SPTBN5: variants seen among roughly 807,000 people sequenced by gnomAD.
The protein encoded by SPTBN5 is spectrin beta chain, non-erythrocytic 5.
A neutral mutation model predicts 477.6 loss-of-function variants in SPTBN5; 513 were observed. The observed-to-expected ratio is 1.07, with a 90% CI of 1.00 to 1.16. The LOEUF (loss-of-function observed/expected upper bound fraction) is 1.16. Ranked by LOEUF, SPTBN5 falls within the 50% of genes most tolerant of loss-of-function variation. SPTBN5 has a pLI of 0.00. For synonymous variants in SPTBN5, 2,169 were observed against 2,011.7 expected (o/e 1.08, Z -2.09); for missense variants, 5,062 against 4,731.8 (o/e 1.07, Z -2.05).
chr15:41,881,354 G>A, intron 12 of SPTBN5, 120 bp from the exon 13 acceptor site: 2 of 787,380 alleles, frequency 2.5e-6, no homozygotes, highest in East Asian at 5.3e-5. Flanking sequence ...CTCAAAGGGT[G>A]TGTGGGACAT....
intron 67 of SPTBN5, among the ~76,000 whole-genome samples, chr15:41,849,432 G>T (rs1406613513): frequency 1.3e-5 from 2 of 152,222 alleles, no homozygotes; most frequent in Non-Finnish European, 2.9e-5. Context: ...GAACAAGGGT[G>T]GGGCAGGGTC....
chr15:41,857,685 C>A lies in SPTBN5; in HGVS notation c.8252G>T (p.Gly2751Val). 2 of 1,580,222 alleles carry A rather than the reference C, an allele frequency of 1.3e-6. No homozygotes were observed. The highest frequency in any genetic ancestry group is 1.8e-5 in the Admixed American group (1 of 55,552). ...CTGGATGGCCTCCGAGGCTGGGTGGCCCCCCTGCAGCAGCCTCTGTCCCTC... is the reference window on the plus strand; with the variant it reads ...CTGGATGGCCTCCGAGGCTGGGTGGACCCCCTGCAGCAGCCTCTGTCCCTC... ...QREGQRLLQG[G>V]HPASEAIQER... is the part of the protein sequence containing the mutation. The change falls in exon 50 of 68, where the codon GGC becomes GTC. Residue 2751 changes from glycine (G) to valine (V), a missense_variant. Coordinates refer to ENST00000320955, the MANE Select transcript of SPTBN5 (RefSeq NM_016642.4).
chr15:41,885,603 G>A (rs1055606581), intron 7 of SPTBN5, 132 bp downstream of exon 7: 30 of 1,146,896 alleles, frequency 2.6e-5, no homozygotes, highest in Non-Finnish European at 3.1e-5. Context: ...ATAGATCTTT[G>A]TAGAGGGATC....
Position 41,880,418 on chromosome 15 carries a change from C to CCAGGGT in SPTBN5, c.2659-112_2659-107dup, listed in dbSNP as rs942658822. On this transcript the variant is annotated intron_variant, in intron 13 of 67. Transcript: ENST00000320955. ...CCCCATCCCAGCCCACCAGCAGAGC[C>CCAGGGT]CAGGGTCAGGGCCAGAGGGGGTCCC... The CCAGGGT allele has an allele frequency of 1.3e-5, 17 of 1,288,442 alleles. No individual in the cohort carries two copies. The African/African-American group carries it at 1.6e-4, about 12-fold the overall frequency. 79.8% of individuals were successfully genotyped at this position (1,288,442 alleles called of 1,614,324 possible). A position where few individuals can be genotyped will look rare whatever the true frequency, so the allele number is the denominator to read the frequency against.
intron 34 of SPTBN5, 116 bp from the exon 35 acceptor site, chr15:41,867,758 G>A (rs989935161): frequency 1.0e-4 from 100 of 994,418 alleles, no homozygotes; most frequent in Non-Finnish European, 1.5e-4. Context: ...TGCCCACTGA[G>A]CTTGGCATGG....
At chr15:41,893,745 C>G in intron 1 of SPTBN5, 154 bp downstream of exon 1, 1 of 627,942 alleles carries the variant, frequency 1.6e-6, no homozygotes, top group Non-Finnish European at 2.7e-6. Context: ...CTTCCAGATT[C>G]TTCTTCTCAG....
intron 20 of SPTBN5, 63 bp downstream of exon 20, chr15:41,876,485 C>A (rs929384760): frequency 6.9e-7 from 1 of 1,452,472 alleles, no homozygotes; most frequent in Non-Finnish European, 9.5e-7. Flanking sequence ...CTGCACAGAG[C>A]TCTGTACGGT....
chr15:41,882,250 C>A lies in SPTBN5; in HGVS notation c.2247+19G>T. 7.1e-7 allele frequency: 1 copy of A among 1,413,740 alleles called. No homozygotes were observed. Among genetic ancestry groups the A allele is most frequent in the South Asian group, 1.4e-5 (1 of 70,140 alleles). 87.6% of individuals were successfully genotyped at this position (1,413,740 alleles called of 1,614,324 possible). On this transcript the variant is annotated intron_variant, in intron 11 of 67. Transcript: ENST00000320955. The stretch of plus-strand genomic sequence containing the variant: ...TCGCCGGGCCCCGCCCCCACCCCGC[C>A]TCCACCCCTCCCCACTACCTGCAGG...
chr15:41,878,220 C>G, intron 17 of SPTBN5, 122 bp downstream of exon 17: 6 of 1,207,748 alleles, frequency 5.0e-6, no homozygotes, highest in Non-Finnish European at 6.8e-6. Flanking sequence ...AGACACCAAC[C>G]AGTCTGGGCC....
intron 13 of SPTBN5, among the ~76,000 whole-genome samples, chr15:41,880,636 C>G (rs552529965): frequency 2.6e-5 from 4 of 152,214 alleles, no homozygotes; most frequent in Admixed American, 1.3e-4. Context: ...GCTCCACCCC[C>G]ACCTGCCTCT....
chr15:41,850,156 T>C, intron 66 of SPTBN5, 197 bp from the exon 67 acceptor site: 1 of 582,624 alleles, frequency 1.7e-6, no homozygotes, highest in Non-Finnish European at 3.1e-6. Context: ...TCCTGCCTCT[T>C]AGGAAACTCC....
intron 16 of SPTBN5, 114 bp from the exon 17 acceptor site, chr15:41,878,743 GC>G: frequency 8.3e-7 from 1 of 1,200,452 alleles, no homozygotes; most frequent in Non-Finnish European, 1.1e-6. Flanking sequence ...GACTCTCAAT[GC>G]CCACCCCACC....
intron 14 of SPTBN5, 81 bp from the exon 15 acceptor site, chr15:41,879,945 G>A (rs1188228746): frequency 1.3e-6 from 2 of 1,561,316 alleles, no homozygotes; most frequent in African/African-American, 2.7e-5. Context: ...GGACCTGAGT[G>A]GTGCTCTCTG....
intron 12 of SPTBN5, 72 bp from the exon 13 acceptor site, chr15:41,881,306 A>ACCT (rs1265742024): frequency 7.6e-7 from 1 of 1,311,954 alleles, no homozygotes; most frequent in East Asian, 2.3e-5. Context: ...GGCCACCCCT[A>ACCT]CCTCCGTGCC....
intron 47 of SPTBN5, 138 bp from the exon 48 acceptor site, chr15:41,859,118 C>G (rs1385929990): frequency 1.6e-6 from 1 of 615,560 alleles, no homozygotes; most frequent in African/African-American, 1.9e-5. Flanking sequence ...TGCACTCCCC[C>G]TCTGTATTTG....
At position 41,853,777 on chromosome 15, in the gene SPTBN5, T is replaced by C; in HGVS notation, c.9785A>G (p.Glu3262Gly). 6.4e-7 allele frequency: 1 copy of C among 1,564,290 alleles called. No individual in the cohort carries two copies. Among genetic ancestry groups the C allele is most frequent in the Non-Finnish European group, 8.7e-7 (1 of 1,154,250 alleles). Reference sequence around the variant, plus strand: ...CCGTGCCACCTCCTTCTCCATAGCTTCCAGCTCTCTCTGCAACCAGAGCAT... The same window carrying C: ...CCGTGCCACCTCCTTCTCCATAGCTCCCAGCTCTCTCTGCAACCAGAGCAT... ...QQHRRLEREL[E>G]AMEKEVARLQ... is the part of the protein sequence containing the mutation. The change falls in exon 58 of 68, where the codon GAA (glutamate) becomes GGA (glycine). Residue 3262 changes from glutamate to glycine, a missense_variant. Coordinates refer to ENST00000320955, the MANE Select transcript of SPTBN5 (RefSeq NM_016642.4).
chr15:41,893,798 G>T, intron 1 of SPTBN5, 101 bp downstream of exon 1: 1 of 500,766 alleles, frequency 2.0e-6, no homozygotes. Flanking sequence ...ACTGGGACAG[G>T]TGGAAGGAAG....
intron 19 of SPTBN5, 43 bp from the exon 20 acceptor site, chr15:41,876,690 T>TGC: frequency 6.4e-7 from 1 of 1,559,014 alleles, no homozygotes. Flanking sequence ...GGGAGAGGAC[T>TGC]CCCACCCCAG....
rs749345953 is a variant in SPTBN5, at chr15:41,892,965, G to T, written c.313C>A (p.Pro105Thr). 6 of 1,609,352 alleles carry T rather than the reference G, an allele frequency of 3.7e-6. No individual in the cohort carries two copies. Among genetic ancestry groups the T allele is most frequent in the South Asian group, 1.1e-5 (1 of 91,080 alleles). The stretch of plus-strand genomic sequence containing the variant: ...TGCACACGCAGGCGGCCCCGGCTCG[G>T]GGGTGGCAGGGCCTCCCCTGAGATG... ...ELISGEALPPPSRGRLRVHFL... is the reference protein window; with the variant it reads ...ELISGEALPPTSRGRLRVHFL... The change falls in exon 3 of 68, where the codon CCG becomes ACG. Residue 105 changes from proline to threonine, a missense_variant. By Grantham distance (38) the Pro-to-Thr change is conservative. Coordinates refer to ENST00000320955, the MANE Select transcript of SPTBN5 (RefSeq NM_016642.4).
Sources: allele counts gnomAD v4.1 joint callset (sites outside exome capture counted in the v4.1 genomes callset), GRCh38; gene constraint gnomAD v4.1.1; transcripts MANE v1.5; gene names NCBI Gene and HGNC (gene_info 2026-07-23, HGNC 2026-07-21).